Variants in GRIN3A observed in about 807,000 individuals in gnomAD.
GRIN3A encodes glutamate ionotropic receptor NMDA type subunit 3A.
In GRIN3A, 47 loss-of-function variants were observed where a neutral mutation model predicts 92.4. The ratio of observed to expected loss-of-function variants is 0.51; its 90% CI spans 0.40 to 0.65. The LOEUF is 0.65. GRIN3A is among the 30% of genes least tolerant of loss of function. The pLI, the probability that GRIN3A is intolerant of heterozygous loss-of-function variation, is 0.00. For synonymous variants in GRIN3A, 527 were observed against 540.6 expected, an observed-to-expected ratio of 0.97 and a Z score of 0.35; for missense variants, 1,324 against 1,393.1, an observed-to-expected ratio of 0.95 and a Z score of 0.79.
At chr9:101,617,058 G>A (rs1470240091) in intron 5 of GRIN3A, among the ~76,000 whole-genome samples, 1 of 150,376 alleles carries the variant, frequency 6.6e-6, no homozygotes. Context: ...AAATTAGCCG[G>A]GCGTGGTGGC....
intron 3 of GRIN3A, among the ~76,000 whole-genome samples, chr9:101,647,769 G>A (rs755533300): frequency 2.0e-5 from 3 of 151,708 alleles, no homozygotes; most frequent in Admixed American, 6.6e-5. Flanking sequence ...TCAATTTGCC[G>A]GAGTATAGTT....
intron 2 of GRIN3A, among the ~76,000 whole-genome samples, chr9:101,682,764 T>C (rs1588280795): frequency 6.6e-6 from 1 of 152,028 alleles, no homozygotes; most frequent in African/African-American, 2.4e-5. Context: ...GGGCGGATCA[T>C]GAGGTCAGGA....
intron 2 of GRIN3A, 143 bp downstream of exon 2, chr9:101,686,453 A>G (rs1267290821): frequency 3.2e-6 from 3 of 943,172 alleles, no homozygotes; most frequent in African/African-American, 1.6e-5. Context: ...ATACTAGCCT[A>G]TATAACCAGA....
intron 3 of GRIN3A, among the ~76,000 whole-genome samples, chr9:101,636,455 A>T (rs1194024625): frequency 1.3e-5 from 2 of 152,182 alleles, no homozygotes; most frequent in African/African-American, 2.4e-5. Flanking sequence ...CGTTTTAAAA[A>T]TGGAGGAACT....
chr9:101,655,890 C>A (rs2118924981), intron 3 of GRIN3A, among the ~76,000 whole-genome samples: 1 of 152,094 alleles, frequency 6.6e-6, no homozygotes, highest in South Asian at 2.1e-4. Context: ...CTTGTATTTT[C>A]AGTATGTAAT....
At chr9:101,710,801 C>G (rs915158676) in intron 1 of GRIN3A, among the ~76,000 whole-genome samples, 2 of 152,182 alleles carry the variant, frequency 1.3e-5, no homozygotes, top group Non-Finnish European at 2.9e-5. Flanking sequence ...TAAAGCAAAT[C>G]ATTCACATTA....
chr9:101,620,151 A>G (rs10123684), intron 5 of GRIN3A, among the ~76,000 whole-genome samples: 1 of 152,024 alleles, frequency 6.6e-6, no homozygotes, highest in Non-Finnish European at 1.5e-5. Flanking sequence ...ATAGACTGGG[A>G]GACTTAAAAA....
chr9:101,707,320 C>T (rs190779290), intron 1 of GRIN3A, among the ~76,000 whole-genome samples: 1 of 152,200 alleles, frequency 6.6e-6, no homozygotes, highest in Non-Finnish European at 1.5e-5. Context: ...AATTTACTAT[C>T]ACCAATTATT....
chr9:101,596,528 C>G (rs965279896), intron 6 of GRIN3A, among the ~76,000 whole-genome samples: 1 of 152,148 alleles, frequency 6.6e-6, no homozygotes, highest in African/African-American at 2.4e-5. Context: ...TGTGTTCTTT[C>G]TAAAGCACAA....
chr9:101,713,101 G>A (rs1023834719), intron 1 of GRIN3A, among the ~76,000 whole-genome samples: 5 of 152,124 alleles, frequency 3.3e-5, no homozygotes, highest in Non-Finnish European at 5.9e-5. Context: ...CGGCCATTTA[G>A]TTCAATTGGA....
At chr9:101,666,079 T>G (rs1049479903) in intron 3 of GRIN3A, among the ~76,000 whole-genome samples, 1 of 151,932 alleles carries the variant, frequency 6.6e-6, no homozygotes, top group Non-Finnish European at 1.5e-5. Context: ...CCTTTCCTCT[T>G]CATCTTTCAC....
chr9:101,626,014 GT>G (rs1407871212), intron 4 of GRIN3A, among the ~76,000 whole-genome samples: 2 of 152,162 alleles, frequency 1.3e-5, no homozygotes, highest in Non-Finnish European at 2.9e-5. Flanking sequence ...ATAAATTTCA[GT>G]TACGTGAAAA....
At position 101,645,264 on chromosome 9, in the gene GRIN3A, G is replaced by C. The variant is rs529558689; in HGVS notation, c.2353-16863C>G. 1.4e-4 allele frequency among the ~76,000 whole-genome samples: 22 copies of C among 151,730 alleles called. No homozygotes were observed. The South Asian group carries it at 4.2e-3, about 29-fold the overall frequency. ...GAGAACATGTGATTTTTGTCTTTCT[G>C]TGCTTGGCTTATTTTACTTAAACTA... On this transcript the variant is annotated intron_variant, in intron 3 of 8. Transcript: ENST00000361820.
At chr9:101,667,773 A>G (rs1200114028) in intron 3 of GRIN3A, among the ~76,000 whole-genome samples, 1 of 152,048 alleles carries the variant, frequency 6.6e-6, no homozygotes, top group Admixed American at 6.6e-5. Flanking sequence ...TCCACATAAT[A>G]TGACATATTT....
intron 1 of GRIN3A, among the ~76,000 whole-genome samples, chr9:101,695,970 C>T (rs1460448436): frequency 6.6e-6 from 1 of 152,156 alleles, no homozygotes; most frequent in African/African-American, 2.4e-5. Context: ...ACTGTGCCTA[C>T]CTTCATTACT....
chr9:101,720,985 C>A (rs535706633), intron 1 of GRIN3A, among the ~76,000 whole-genome samples: 3 of 152,292 alleles, frequency 2.0e-5, no homozygotes, highest in African/African-American at 7.2e-5. Context: ...GTGTGTACCT[C>A]TGAACTTAAA....
chr9:101,644,474 A>C (rs564620429), intron 3 of GRIN3A, among the ~76,000 whole-genome samples: 2 of 151,856 alleles, frequency 1.3e-5, no homozygotes, highest in Non-Finnish European at 2.9e-5. Flanking sequence ...AAAAAAAAAA[A>C]AAAACACAGT....
At chr9:101,718,080 A>G (rs1829969767) in intron 1 of GRIN3A, among the ~76,000 whole-genome samples, 1 of 152,174 alleles carries the variant, frequency 6.6e-6, no homozygotes, top group Non-Finnish European at 1.5e-5. Flanking sequence ...TGGGTTTTCC[A>G]CAGGTGTGAT....
chr9:101,634,384 T>C lies in GRIN3A; in HGVS notation c.2353-5983A>G, dbSNP rs1298108815. ...TACTCCTTTTGAGGCATAGCTTCTG[T>C]AAATGAAAGGTGACTTTTGTCTCCA... On this transcript the variant is annotated intron_variant, in intron 3 of 8. Coordinates refer to ENST00000361820, the MANE Select transcript of GRIN3A (RefSeq NM_133445.3). 2.7e-5 allele frequency among the ~76,000 whole-genome samples: 4 copies of C among 149,914 alleles called. No individual in the cohort carries two copies. In the East Asian group the frequency reaches 5.8e-4, roughly 22 times the overall value.
Sources: allele counts gnomAD v4.1 joint callset (sites outside exome capture counted in the v4.1 genomes callset), GRCh38; gene constraint gnomAD v4.1.1; transcripts MANE v1.5; gene names NCBI Gene and HGNC (gene_info 2026-07-23, HGNC 2026-07-21).